ZNF827: variants seen among roughly 807,000 people sequenced by gnomAD.
The protein encoded by ZNF827 is zinc finger protein 827.
Under a neutral mutation model 102.4 loss-of-function variants are expected in ZNF827, and 13 were observed. The observed-to-expected ratio is 0.13, with a 90% CI of 0.08 to 0.20. The LOEUF is 0.20. ZNF827 is among the 10% of genes least tolerant of loss of function. The pLI is 1.00. For missense variants in ZNF827, 1,103 were observed against 1,344.4 expected (o/e 0.82, Z 2.81); for synonymous variants, 523 against 536.2 (o/e 0.98, Z 0.34).
intron 8 of ZNF827, among the ~76,000 whole-genome samples, chr4:145,780,532 A>G (rs1737812111): frequency 6.6e-6 from 1 of 152,190 alleles, no homozygotes; most frequent in Non-Finnish European, 1.5e-5. Flanking sequence ...TACATTCTCT[A>G]ATCATCTTAA....
chr4:145,913,455 C>A (rs1300155775), intron 1 of ZNF827, among the ~76,000 whole-genome samples: 10 of 143,554 alleles, frequency 7.0e-5, no homozygotes, highest in African/African-American at 1.8e-4. Flanking sequence ...AAAGACATTA[C>A]CAAAAGAGGC....
At chr4:145,882,662 T>G (rs1406702069) in intron 4 of ZNF827, among the ~76,000 whole-genome samples, 1 of 152,160 alleles carries the variant, frequency 6.6e-6, no homozygotes, top group East Asian at 1.9e-4. Context: ...CAAGAAAGCA[T>G]CAAGTGTTTT....
At chr4:145,875,911 T>C (rs1749110513) in intron 4 of ZNF827, among the ~76,000 whole-genome samples, 2 of 152,350 alleles carry the variant, frequency 1.3e-5, no homozygotes, top group South Asian at 2.1e-4. Flanking sequence ...TAAAAAATCA[T>C]TGTAAAATTA....
intron 4 of ZNF827, among the ~76,000 whole-genome samples, chr4:145,885,282 C>G (rs1328465546): frequency 6.6e-6 from 1 of 151,772 alleles, no homozygotes; most frequent in East Asian, 1.9e-4. Context: ...TGAATAATGC[C>G]AAAATGAGGT....
chr4:145,827,123 G>A (rs143426857), intron 7 of ZNF827, among the ~76,000 whole-genome samples: 1 of 152,294 alleles, frequency 6.6e-6, no homozygotes, highest in East Asian at 1.9e-4. Flanking sequence ...TTACAGATGT[G>A]GAGACTTAGG....
At chr4:145,869,405 C>T (rs1748488349) in intron 5 of ZNF827, among the ~76,000 whole-genome samples, 1 of 152,208 alleles carries the variant, frequency 6.6e-6, no homozygotes, top group Admixed American at 6.5e-5. Flanking sequence ...AAACTAAAAA[C>T]AGCTTTCGAT....
chr4:145,918,640 G>T (rs1242240396), intron 1 of ZNF827, among the ~76,000 whole-genome samples: 1 of 152,138 alleles, frequency 6.6e-6, no homozygotes, highest in Non-Finnish European at 1.5e-5. Flanking sequence ...GGTTAGGATG[G>T]ATCAGTGGTT....
rs531784528 is a variant in ZNF827 at position 145,854,418 on chromosome 4, A to G, written c.1982-4857T>C. Among the ~76,000 whole-genome samples, 30 of 152,128 alleles carry G rather than the reference A, an allele frequency of 2.0e-4. No homozygotes were observed. The South Asian group carries it at 5.2e-3, about 26-fold the overall frequency. On this transcript the variant is annotated intron_variant, in intron 5 of 14. Transcript: ENST00000508784. Reference sequence around the variant, plus strand: ...CCTACCCTTAAGAGGAGGAGGAAGAAAAGAGCAAGGAAAAGAGATAGAGAG... The same window carrying G: ...CCTACCCTTAAGAGGAGGAGGAAGAGAAGAGCAAGGAAAAGAGATAGAGAG...
chr4:145,792,830 A>G (rs1739898985), intron 8 of ZNF827, among the ~76,000 whole-genome samples: 1 of 152,226 alleles, frequency 6.6e-6, no homozygotes, highest in Non-Finnish European at 1.5e-5. Context: ...AATAAATTAA[A>G]TTAAAAAATC....
chr4:145,874,281 GT>G (rs1452047204), intron 4 of ZNF827, among the ~76,000 whole-genome samples: 2 of 152,212 alleles, frequency 1.3e-5, no homozygotes, highest in Non-Finnish European at 2.9e-5. Flanking sequence ...TACATACCTG[GT>G]TTTCATTCTG....
At chr4:145,779,559 C>T (rs375062399) in intron 8 of ZNF827, 48 bp from the exon 9 acceptor site, 5 of 1,592,320 alleles carry the variant, frequency 3.1e-6, no homozygotes, top group African/African-American at 2.7e-5. Flanking sequence ...AACAAGAATA[C>T]ATTTTCTGTT....
intron 13 of ZNF827, 164 bp downstream of exon 13, chr4:145,764,824 A>C (rs966800535): frequency 1.5e-5 from 13 of 878,576 alleles, no homozygotes; most frequent in African/African-American, 5.0e-5. Flanking sequence ...GGACAGGTCT[A>C]ATTCAATCCA....
intron 8 of ZNF827, among the ~76,000 whole-genome samples, chr4:145,816,325 A>G (rs1414881646): frequency 6.6e-6 from 1 of 152,264 alleles, no homozygotes; most frequent in Non-Finnish European, 1.5e-5. Context: ...CCACACAATC[A>G]CAGTTGTTTC....
chr4:145,841,506 G>A (rs1745412612), intron 7 of ZNF827, among the ~76,000 whole-genome samples: 1 of 152,174 alleles, frequency 6.6e-6, no homozygotes, highest in Non-Finnish European at 1.5e-5. Flanking sequence ...TGGTCCTTCT[G>A]TTCTCATGGG....
At chr4:145,901,576 A>AATC (rs1257442539) in intron 2 of ZNF827, among the ~76,000 whole-genome samples, 2 of 152,226 alleles carry the variant, frequency 1.3e-5, no homozygotes, top group Non-Finnish European at 2.9e-5. Flanking sequence ...TTTGATTGAC[A>AATC]ATCTTTTTGA....
chr4:145,816,433 G>A (rs1192661095), intron 8 of ZNF827, among the ~76,000 whole-genome samples: 1 of 152,316 alleles, frequency 6.6e-6, no homozygotes, highest in South Asian at 2.1e-4. Context: ...AAAAGTATGC[G>A]TGTACTTTAG....
At chr4:145,914,039 A>G (rs969159820) in intron 1 of ZNF827, among the ~76,000 whole-genome samples, 17 of 148,008 alleles carry the variant, frequency 1.1e-4, no homozygotes, top group African/African-American at 4.4e-4. Context: ...TAGCTTATAC[A>G]TAAAATGATA....
At chr4:145,801,326 T>C (rs553932574) in intron 8 of ZNF827, among the ~76,000 whole-genome samples, 12 of 152,340 alleles carry the variant, frequency 7.9e-5, no homozygotes, top group African/African-American at 1.2e-4. Context: ...ATATTATATA[T>C]GTATAATAAA....
In ZNF827 at chr4:145,916,452, AC is replaced by A. The variant is rs1752674471; in HGVS notation, c.44-13238del. 3.9e-5 allele frequency among the ~76,000 whole-genome samples: 6 copies of A among 152,148 alleles called. No homozygotes were observed. The South Asian group carries it at 1.2e-3, about 31-fold the overall frequency. On this transcript the variant is annotated intron_variant, in intron 1 of 14. Coordinates refer to ENST00000508784, the MANE Select transcript of ZNF827 (RefSeq NM_001306215.2). ...GCAGCAAGCCCAGTGTCTCAAGGGCACCCGAGGACTCTCTTTGGACATTTCC... is the reference window on the plus strand; with the variant it reads ...GCAGCAAGCCCAGTGTCTCAAGGGCACCGAGGACTCTCTTTGGACATTTCC...
Sources: allele counts gnomAD v4.1 joint callset (sites outside exome capture counted in the v4.1 genomes callset), GRCh38; gene constraint gnomAD v4.1.1; transcripts MANE v1.5; gene names NCBI Gene and HGNC (gene_info 2026-07-23, HGNC 2026-07-21).